Variants in CTNNA3 observed in about 807,000 individuals in gnomAD.
CTNNA3 encodes the protein catenin alpha-3.
In CTNNA3, 76 loss-of-function variants were observed where a neutral mutation model predicts 95.7. The observed-to-expected ratio is 0.79, with a 90% CI of 0.66 to 0.96. The LOEUF (loss-of-function observed/expected upper bound fraction) is 0.96, where lower values mean the gene tolerates loss of function less well. Ranked by LOEUF, CTNNA3 falls within the 40% of genes least tolerant of loss-of-function variation. The pLI is 0.00. For synonymous variants in CTNNA3, 431 were observed against 374.4 expected (o/e 1.15, Z -1.74); for missense variants, 1,191 against 1,089.8 (o/e 1.09, Z -1.31).
chr10:67,219,540 TTC>T (rs1381519443), intron 6 of CTNNA3, 65 bp downstream of exon 6: 4 of 1,480,064 alleles, frequency 2.7e-6, no homozygotes, highest in African/African-American at 2.8e-5. Flanking sequence ...GTGGATCTTC[TTC>T]TGTTTTATTA....
rs191558396 is a variant in CTNNA3, at chr10:66,203,938, C to T, written c.1884+76532G>A. Among the ~76,000 whole-genome samples, 161 of 152,100 alleles carry T rather than the reference C, an allele frequency of 1.1e-3. 1 individual carries two copies. Among genetic ancestry groups the T allele is most frequent in the African/African-American group, 3.6e-3 (148 of 41,516 alleles). On this transcript the variant is annotated intron_variant, in intron 13 of 17. Coordinates refer to ENST00000433211, the MANE Select transcript of CTNNA3 (RefSeq NM_013266.4). Reference sequence around the variant, plus strand: ...AGAATATAAATTCTAGTAGAGACCACGTATTTCACATTTACTACTCTATCT... The same window carrying T: ...AGAATATAAATTCTAGTAGAGACCATGTATTTCACATTTACTACTCTATCT...
chr10:66,931,828 G>C (rs946893670), intron 7 of CTNNA3, among the ~76,000 whole-genome samples: 3 of 152,134 alleles, frequency 2.0e-5, no homozygotes, highest in Non-Finnish European at 2.9e-5. Flanking sequence ...AACGCAATAA[G>C]AATAGATAAG....
chr10:67,741,653 A>C (rs1227994055), intron 1 of CTNNA3, among the ~76,000 whole-genome samples: 2 of 151,270 alleles, frequency 1.3e-5, no homozygotes, highest in Admixed American at 6.6e-5. Flanking sequence ...TTCACACATA[A>C]CAATATTAAC....
chr10:66,484,717 A>G (rs1266050252), intron 11 of CTNNA3, among the ~76,000 whole-genome samples: 1 of 152,086 alleles, frequency 6.6e-6, no homozygotes, highest in Non-Finnish European at 1.5e-5. Context: ...GCTAAGGACC[A>G]AACTCGTTTT....
chr10:67,637,583 T>G (rs1275659597), intron 2 of CTNNA3, among the ~76,000 whole-genome samples: 1 of 151,838 alleles, frequency 6.6e-6, no homozygotes, highest in Non-Finnish European at 1.5e-5. Context: ...AAAGTTGAAA[T>G]GAAGGAAAAA....
At chr10:66,921,782 A>ATGTTTATTT (rs1219857319) in intron 7 of CTNNA3, among the ~76,000 whole-genome samples, 3 of 151,948 alleles carry the variant, frequency 2.0e-5, no homozygotes, top group African/African-American at 7.2e-5. Flanking sequence ...TATACTGTAT[A>ATGTTTATTT]TGTTTATTTT....
At chr10:67,294,803 A>G (rs1420083824) in intron 5 of CTNNA3, among the ~76,000 whole-genome samples, 1 of 152,218 alleles carries the variant, frequency 6.6e-6, no homozygotes, top group Non-Finnish European at 1.5e-5. Flanking sequence ...CGTGGCAGGA[A>G]AATAAGCAGA....
At chr10:66,297,346 A>G (rs1324499541) in intron 12 of CTNNA3, among the ~76,000 whole-genome samples, 4 of 152,208 alleles carry the variant, frequency 2.6e-5, no homozygotes, top group Admixed American at 2.0e-4. Flanking sequence ...AATAAATAAA[A>G]TAACAATTTA....
intron 13 of CTNNA3, among the ~76,000 whole-genome samples, chr10:66,144,120 T>A (rs2083755088): frequency 6.6e-6 from 1 of 152,328 alleles, no homozygotes; most frequent in Non-Finnish European, 1.5e-5. Context: ...TTTATTGCAT[T>A]TCTGTGATTT....
intron 5 of CTNNA3, among the ~76,000 whole-genome samples, chr10:67,310,311 C>T (rs1840737523): frequency 6.6e-6 from 1 of 152,112 alleles, no homozygotes; most frequent in Non-Finnish European, 1.5e-5. Context: ...AATTACTACC[C>T]CTAAGTAATT....
At chr10:65,989,591 G>T (rs1051622241) in intron 15 of CTNNA3, among the ~76,000 whole-genome samples, 1 of 146,750 alleles carries the variant, frequency 6.8e-6, no homozygotes, top group Non-Finnish European at 1.5e-5. Context: ...TTTATTGATG[G>T]TAAAATTCAT....
intron 11 of CTNNA3, among the ~76,000 whole-genome samples, chr10:66,487,866 T>G (rs1320574240): frequency 6.6e-6 from 1 of 152,186 alleles, no homozygotes; most frequent in Non-Finnish European, 1.5e-5. Flanking sequence ...TGGTAAATAC[T>G]CTTTAAAAAG....
chr10:65,980,402 T>C (rs2078293695), intron 16 of CTNNA3, among the ~76,000 whole-genome samples: 1 of 151,816 alleles, frequency 6.6e-6, no homozygotes. Flanking sequence ...CTATCAGATA[T>C]TCAAAGAGGA....
At chr10:67,327,662 G>T (rs773728841) in intron 5 of CTNNA3, among the ~76,000 whole-genome samples, 1 of 152,202 alleles carries the variant, frequency 6.6e-6, no homozygotes, top group Non-Finnish European at 1.5e-5. Context: ...AACGGGTGGT[G>T]TCAGCCAAAG....
At chr10:67,245,190 G>A (rs756830073) in intron 5 of CTNNA3, among the ~76,000 whole-genome samples, 4 of 151,848 alleles carry the variant, frequency 2.6e-5, no homozygotes, top group Admixed American at 2.6e-4. Flanking sequence ...GCCTTCCCAC[G>A]GCCGGCATGC....
rs192763042 is a variant in CTNNA3 at position 66,398,198 on chromosome 10, C to T, written c.1532-18846G>A. Among the ~76,000 whole-genome samples the T allele has an allele frequency of 9.2e-4, 140 of 151,874 alleles. 1 individual carries two copies. The highest frequency in any genetic ancestry group is 3.0e-3 in the African/African-American group (125 of 41,470). On this transcript the variant is annotated intron_variant, in intron 11 of 17. Transcript: ENST00000433211. Reference sequence around the variant, plus strand: ...CTTTCACAACTTGCAAAGTACAATTCGTGGCCTTTGTGTACAAGATTTCAG... The same window carrying T: ...CTTTCACAACTTGCAAAGTACAATTTGTGGCCTTTGTGTACAAGATTTCAG...
At chr10:66,978,552 A>AAAAAAAAAAT in intron 7 of CTNNA3, among the ~76,000 whole-genome samples, 1 of 37,884 alleles carries the variant, frequency 2.6e-5, no homozygotes, top group African/African-American at 8.7e-5. Context: ...AAAAAAAAAA[A>AAAAAAAAAAT]ATATATATAT....
chr10:66,689,504 A>C (rs1847435272), intron 9 of CTNNA3, among the ~76,000 whole-genome samples: 1 of 152,212 alleles, frequency 6.6e-6, no homozygotes, highest in Non-Finnish European at 1.5e-5. Context: ...ATTATTTGTT[A>C]AGAGTCACTT....
At position 67,200,994 on chromosome 10, in the gene CTNNA3, T is replaced by C. The variant is rs75619799; in HGVS notation, c.843+18613A>G. On this transcript the variant is annotated intron_variant, in intron 6 of 17. Coordinates refer to ENST00000433211, the MANE Select transcript of CTNNA3 (RefSeq NM_013266.4). ...TTGACCCCAACGGATGCTCTCTCTG[T>C]CTCTGGGTCACTCATCTGTTTGGCT... 0.011 allele frequency among the ~76,000 whole-genome samples: 1,709 copies of C among 152,274 alleles called. 93 individuals carry two copies. In the East Asian group the frequency reaches 0.17, roughly 15 times the overall value.
Sources: allele counts gnomAD v4.1 joint callset (sites outside exome capture counted in the v4.1 genomes callset), GRCh38; gene constraint gnomAD v4.1.1; transcripts MANE v1.5; gene names NCBI Gene and HGNC (gene_info 2026-07-23, HGNC 2026-07-21).